The following ANKRD36B variants were observed in gnomAD, a reference collection of about 807,000 sequenced individuals.
The protein encoded by ANKRD36B is ankyrin repeat domain 36B.
In ANKRD36B, 37 loss-of-function variants were observed where a neutral mutation model predicts 135.7. That is an observed-to-expected ratio of 0.27 (90% CI 0.21 to 0.36). The LOEUF (loss-of-function observed/expected upper bound fraction) is 0.36. Among genes scored for constraint, ANKRD36B ranks in the 10% least tolerant of loss-of-function variants. The pLI is 1.00. For missense variants in ANKRD36B, 549 were observed against 1,037.1 expected, an observed-to-expected ratio of 0.53 and a Z score of 6.46; for synonymous variants, 179 against 348.1, an observed-to-expected ratio of 0.51 and a Z score of 5.41.
chr2:97,568,929 C>G (rs951733359), intron 6 of ANKRD36B, among the ~76,000 whole-genome samples: 1 of 152,062 alleles, frequency 6.6e-6, no homozygotes. Flanking sequence ...TCAAAGTGAT[C>G]GCTCAAAGAA....
intron 43 of ANKRD36B, among the ~76,000 whole-genome samples, chr2:97,496,833 G>A (rs1709755): frequency 3.1e-3 from 191 of 61,814 alleles, no homozygotes; most frequent in African/African-American, 0.011. Context: ...ATATGTGTGT[G>A]TATATATATA....
chr2:97,574,778 A>G (rs62155973), intron 6 of ANKRD36B, among the ~76,000 whole-genome samples: 72,592 of 151,292 alleles, frequency 0.48, 20,937 homozygotes, highest in Non-Finnish European at 0.66. Flanking sequence ...GTATTTCCAC[A>G]AGGAGCAGAT....
In ANKRD36B at chr2:97,529,961, T is replaced by A. The variant is rs1398853186; in HGVS notation, c.2265+2350A>T. Among the ~76,000 whole-genome samples the A allele has an allele frequency of 2.1e-5, 2 of 96,050 alleles. 1 individual carries two copies. Among genetic ancestry groups the A allele is most frequent in the African/African-American group, 6.3e-5 (2 of 31,842 alleles). 63.0% of individuals were successfully genotyped at this position (96,050 alleles called of 152,430 possible). On this transcript the variant is annotated intron_variant, in intron 35 of 43. Coordinates refer to ENST00000359901, the MANE Select transcript of ANKRD36B (RefSeq NM_001393939.1). ...TCATGGGTAGGAAGAATCAGTATCG[T>A]TAAAATGGCCATACTGCCCGAGGTA...
At chr2:97,549,521 T>A (rs2079834095) in intron 19 of ANKRD36B, 30 bp from the exon 20 acceptor site, 2 of 1,601,284 alleles carry the variant, frequency 1.2e-6, no homozygotes, top group Non-Finnish European at 1.7e-6. Context: ...AAATAATAAA[T>A]AAATAAAGTA....
rs1353943168 is a variant in ANKRD36B at position 97,534,633 on chromosome 2, A to G, written c.2191+1667T>C. Among the ~76,000 whole-genome samples, 112 of 97,194 alleles carry G rather than the reference A, an allele frequency of 1.2e-3. 40 individuals carry two copies. Among genetic ancestry groups the G allele is most frequent in the Non-Finnish European group, 1.6e-3 (58 of 36,612 alleles). The allele number at this position is 97,194 out of a possible 152,430, so 63.8% of individuals were successfully genotyped here. A position where few individuals can be genotyped will look rare whatever the true frequency, so the allele number is the denominator to read the frequency against. On this transcript the variant is annotated intron_variant, in intron 34 of 43. Transcript: ENST00000359901. ...CAAATCAAAGCTACAATGAGGTATC[A>G]TCTCACCTCAGTTAAAATGGCTTTT... is the stretch of plus-strand genomic sequence containing the variant.
chr2:97,589,402 C>T, intron 1 of ANKRD36B, 123 bp downstream of exon 1: 1 of 521,520 alleles, frequency 1.9e-6, no homozygotes, highest in Non-Finnish European at 2.9e-6. Flanking sequence ...AGCCAGGCAC[C>T]CCCTAGCCCC....
chr2:97,587,595 C>T (rs1177877785), intron 1 of ANKRD36B, among the ~76,000 whole-genome samples: 3 of 152,156 alleles, frequency 2.0e-5, no homozygotes, highest in African/African-American at 7.2e-5. Context: ...TTTCCAAATA[C>T]ACTGCTATTT....
At chr2:97,582,267 C>T (rs1216222214) in intron 3 of ANKRD36B, among the ~76,000 whole-genome samples, 4 of 152,116 alleles carry the variant, frequency 2.6e-5, no homozygotes, top group Non-Finnish European at 5.9e-5. Context: ...GTTTATAAAA[C>T]ACCACCATCT....
At chr2:97,574,333 A>T (rs1028286563) in intron 6 of ANKRD36B, among the ~76,000 whole-genome samples, 44 of 152,208 alleles carry the variant, frequency 2.9e-4, no homozygotes. Context: ...TCAAAACCAC[A>T]GTGAGATACC....
chr2:97,575,442 A>T (rs2082165180), intron 6 of ANKRD36B, among the ~76,000 whole-genome samples: 1 of 152,018 alleles, frequency 6.6e-6, no homozygotes, highest in Admixed American at 6.6e-5. Flanking sequence ...TCTTGTGTGC[A>T]GTATAAAGGC....
In ANKRD36B at chr2:97,532,997, TAACAGC is replaced by T. The variant is rs1221213289; in HGVS notation, c.2192-619_2192-614del. Reference sequence around the variant, plus strand: ...AAAAATCCAATAGAAACAGAAAAAGTAACAGCACACTGTTCTTTACTTCACAATAGT... The same window carrying T: ...AAAAATCCAATAGAAACAGAAAAAGTACACTGTTCTTTACTTCACAATAGT... On this transcript the variant is annotated intron_variant, in intron 34 of 43. Transcript: ENST00000359901. 2.1e-5 allele frequency among the ~76,000 whole-genome samples: 2 copies of T among 96,150 alleles called. 1 individual carries two copies. The highest frequency in any genetic ancestry group is 5.5e-5 in the Non-Finnish European group (2 of 36,278). 63.1% of individuals were successfully genotyped at this position (96,150 alleles called of 152,430 possible).
At chr2:97,572,905 T>C (rs577331264) in intron 6 of ANKRD36B, among the ~76,000 whole-genome samples, 10 of 151,858 alleles carry the variant, frequency 6.6e-5, no homozygotes, top group Non-Finnish European at 1.2e-4. Flanking sequence ...AAACTGCTCG[T>C]CTGTAGGCTA....
In ANKRD36B at chr2:97,533,921, T is replaced by C. The variant is rs1382969240; in HGVS notation, c.2192-1537A>G. On this transcript the variant is annotated intron_variant, in intron 34 of 43. Transcript: ENST00000359901. ...AAATACAAAAATTAGCCAGGCATGGTGTCATGTGCCTGTAATCCCAGCTAC... is the reference window on the plus strand; with the variant it reads ...AAATACAAAAATTAGCCAGGCATGGCGTCATGTGCCTGTAATCCCAGCTAC... 5.3e-5 allele frequency among the ~76,000 whole-genome samples: 5 copies of C among 94,276 alleles called. 2 individuals are homozygous for C. The highest frequency in any genetic ancestry group is 1.4e-4 in the Non-Finnish European group (5 of 35,606). 61.8% of individuals were successfully genotyped at this position (94,276 alleles called of 152,430 possible).
At chr2:97,573,639 T>C (rs539621998) in intron 6 of ANKRD36B, among the ~76,000 whole-genome samples, 2 of 152,092 alleles carry the variant, frequency 1.3e-5, no homozygotes, top group Non-Finnish European at 2.9e-5. Context: ...CTTCAAACTA[T>C]ACTACAAGGC....
chr2:97,559,222 G>T (rs962548646), intron 8 of ANKRD36B, among the ~76,000 whole-genome samples: 1 of 151,706 alleles, frequency 6.6e-6, no homozygotes, highest in Non-Finnish European at 1.5e-5. Context: ...GGTATGATTC[G>T]TGATACATCT....
At position 97,549,630 on chromosome 2, in the gene ANKRD36B, G is replaced by T. The variant is rs373485634; in HGVS notation, c.1376-16C>A. The stretch of plus-strand genomic sequence containing the variant: ...TGAGAAGACACTGAAAAGCAAAAGG[G>T]ATTCATAATCACTCATATGTAAATA... On this transcript the variant is annotated splice_polypyrimidine_tract_variant and intron_variant, in intron 18 of 43. Coordinates refer to ENST00000359901, the MANE Select transcript of ANKRD36B (RefSeq NM_001393939.1). The T allele has an allele frequency of 1.1e-5, 18 of 1,607,522 alleles. No individual in the cohort carries two copies. Among genetic ancestry groups the T allele is most frequent in the Admixed American group, 1.7e-5 (1 of 59,770 alleles).
intron 12 of ANKRD36B, 57 bp downstream of exon 12, chr2:97,556,880 G>A: frequency 1.3e-6 from 2 of 1,542,092 alleles, no homozygotes; most frequent in Non-Finnish European, 1.8e-6. Context: ...ATTCAGGGGT[G>A]GGACGTTCTC....
chr2:97,554,322 G>A (rs1370491654), intron 14 of ANKRD36B, among the ~76,000 whole-genome samples: 2 of 151,900 alleles, frequency 1.3e-5, no homozygotes, highest in South Asian at 2.1e-4. Context: ...AGAAGCCAAT[G>A]TATTGATATT....
chr2:97,528,946 T>G (rs567928172), intron 35 of ANKRD36B, among the ~76,000 whole-genome samples: 1 of 95,920 alleles, frequency 1.0e-5, no homozygotes, highest in Non-Finnish European at 2.8e-5. Context: ...CAGGACCAGA[T>G]GGATTCACAG....
Sources: gnomAD v4.1 joint callset for allele counts (sites outside exome capture counted in the v4.1 genomes callset) on GRCh38, gnomAD v4.1.1 for gene constraint, MANE v1.5 for transcripts, NCBI Gene and HGNC (gene_info 2026-07-23, HGNC 2026-07-21) for gene names.